TMEM25: variants seen among roughly 807,000 people sequenced by gnomAD.
TMEM25 encodes the protein 0610039J01Rik.
In TMEM25, 36 loss-of-function variants were observed where a neutral mutation model predicts 37.0. The ratio of observed to expected loss-of-function variants is 0.97; its 90% CI spans 0.75 to 1.28. The LOEUF is 1.28. Ranked by LOEUF, TMEM25 falls within the 50% of genes most tolerant of loss-of-function variation. The pLI is 0.00. For synonymous variants in TMEM25, 197 were observed against 203.7 expected, an observed-to-expected ratio of 0.97 and a Z score of 0.28; for missense variants, 444 against 477.9, an observed-to-expected ratio of 0.93 and a Z score of 0.66.
At chr11:118,544,775 CAG>C (rs1951635094) in intron 8 of TMEM25, 1 of 641,712 alleles carries the variant, frequency 1.6e-6, no homozygotes, top group Non-Finnish European at 2.8e-6. Context: ...TGCCCTCTGG[CAG>C]AGAGGGCAGC....
downstream of TMEM25, among the ~76,000 whole-genome samples, chr11:118,537,882 T>C (rs1258707833): frequency 6.6e-6 from 1 of 151,830 alleles, no homozygotes; most frequent in Non-Finnish European, 1.5e-5. Context: ...GAGAGTCCCA[T>C]CTCTACAAAA....
rs1555058454 is a variant in TMEM25 at position 118,531,797 on chromosome 11, C to A, written c.-5C>A. On this transcript the variant is annotated 5_prime_UTR_variant, in exon 2 of 9. Coordinates refer to ENST00000313236, the MANE Select transcript of TMEM25 (RefSeq NM_032780.4). Reference sequence around the variant, plus strand: ...CAGCAGCCTAGGGCCTAGGCCCGGGCCACCATGGCGCTGCCTCCAGGCCCA... The same window carrying A: ...CAGCAGCCTAGGGCCTAGGCCCGGGACACCATGGCGCTGCCTCCAGGCCCA... 3.2e-6 allele frequency: 5 copies of A among 1,550,232 alleles called. No homozygotes were observed. The South Asian group carries it at 4.8e-5, about 15-fold the overall frequency.
chr11:118,531,964 G>GC (rs1555058798), intron 2 of TMEM25, 93 bp downstream of exon 2: 3 of 1,467,440 alleles, frequency 2.0e-6, no homozygotes, highest in Non-Finnish European at 2.8e-6. Context: ...CCCACTCCAG[G>GC]CCCCAAGCCC....
At position 118,534,325 on chromosome 11, in the gene TMEM25, C is replaced by T; in HGVS notation, c.997C>T (p.Pro333Ser). ...QNNSRPELLD[P>S]EPGGLLTSQG... is the part of the protein sequence containing the mutation. ...CAACAGCCGGCCAGAGCTTCTGGAC[C>T]CGGAGCCCGGCGGCCTCCTCACCAG... Residue 333 changes from proline (P) to serine (S), a missense_variant, in exon 8 of 9, where the codon CCG (proline) becomes TCG (serine). Pro to Ser is a moderately conservative substitution (Grantham distance 74). Transcript: ENST00000313236. The surrounding 1 kb of genome is among the most constrained non-coding windows in gnomAD (Gnocchi z 4.6). The T allele has an allele frequency of 1.2e-6, 2 of 1,614,112 alleles. No homozygotes were observed. The highest frequency in any genetic ancestry group is 1.7e-6 in the Non-Finnish European group (2 of 1,180,020).
chr11:118,545,250 A>G (rs1951649274), intron 8 of TMEM25, among the ~76,000 whole-genome samples: 2 of 151,704 alleles, frequency 1.3e-5, no homozygotes, highest in South Asian at 4.2e-4. Flanking sequence ...TGAAAACTCC[A>G]TCCCTGCCTC....
chr11:118,540,985 G>A (rs1164303936), intron 8 of TMEM25, among the ~76,000 whole-genome samples: 2 of 151,370 alleles, frequency 1.3e-5, no homozygotes, highest in African/African-American at 4.9e-5. Flanking sequence ...TGGTGAATAT[G>A]GGGTTCTTTT....
At chr11:118,545,463 C>A in intron 8 of TMEM25, 2 of 1,613,732 alleles carry the variant, frequency 1.2e-6, no homozygotes, top group Non-Finnish European at 1.7e-6. Context: ...GGGACTGGAT[C>A]CGACTCTTGT....
chr11:118,546,334 C>T, exon 9 of TMEM25: 2 of 586,582 alleles, frequency 3.4e-6, no homozygotes, highest in Non-Finnish European at 6.2e-6. Context: ...TCCATCTCTA[C>T]AAAAAAATTA....
At chr11:118,545,344 T>G in intron 8 of TMEM25, 1 of 1,201,130 alleles carries the variant, frequency 8.3e-7, no homozygotes. Context: ...CACAGCAGGC[T>G]CAGAACAGTA....
rs367849016 is a variant in TMEM25, at chr11:118,534,002, C to A, written c.837-27C>A. 4.4e-4 allele frequency: 709 copies of A among 1,613,512 alleles called. 1 individual carries two copies. Among genetic ancestry groups the A allele is most frequent in the Non-Finnish European group, 5.5e-4 (652 of 1,179,622 alleles). On this transcript the variant is annotated intron_variant, in intron 6 of 8. Coordinates refer to ENST00000313236, the MANE Select transcript of TMEM25 (RefSeq NM_032780.4). The surrounding 1 kb of genome is among the most constrained non-coding windows in gnomAD (Gnocchi z 4.6). ...TGAGTGCCTGTGCCGGGACTCATAT[C>A]CATCCCGAACTTTGTCCTCCCTGTA...
At position 118,532,429 on chromosome 11, in the gene TMEM25, C is replaced by G; in HGVS notation, c.350C>G (p.Ser117Ter). 6.2e-7 allele frequency: 1 copy of G among 1,613,882 alleles called. No homozygotes were observed. Among genetic ancestry groups the G allele is most frequent in the Non-Finnish European group, 8.5e-7 (1 of 1,179,808 alleles). Residue 117 changes from serine to a stop codon, truncating the protein, a stop_gained, in exon 3 of 9, where the codon TCA becomes TGA. Transcript: ENST00000313236. LOFTEE classifies it high-confidence loss of function. ...CTGCAGGACCCCAGAAGTGGCCGAT[C>G]AGCCAACGCCTCTGTCATCCTTAAT... is the stretch of plus-strand genomic sequence containing the variant. ...CSLQDPRSGR[S>*]ANASVILNVQ...
chr11:118,541,092 GAGTT>G (rs1420348138), intron 8 of TMEM25, among the ~76,000 whole-genome samples: 4 of 152,158 alleles, frequency 2.6e-5, no homozygotes, highest in Non-Finnish European at 4.4e-5. Flanking sequence ...TATGGTATGT[GAGTT>G]AGATCTCAAT....
chr11:118,540,557 A>G (rs1555065082), downstream of TMEM25, among the ~76,000 whole-genome samples: 6 of 152,206 alleles, frequency 3.9e-5, no homozygotes, highest in Non-Finnish European at 1.5e-5. Context: ...GCTGCACCCA[A>G]GGTCTTAATT....
intron 3 of TMEM25, 48 bp downstream of exon 3, chr11:118,532,509 C>G: frequency 6.4e-7 from 1 of 1,550,602 alleles, no homozygotes; most frequent in Non-Finnish European, 8.7e-7. Context: ...TGCCCAGGGA[C>G]CCCCAGCACC....
chr11:118,535,592 C>A lies in TMEM25; in HGVS notation c.*1012C>A. On this transcript the variant is annotated 3_prime_UTR_variant, in exon 9 of 9. Coordinates refer to ENST00000313236, the MANE Select transcript of TMEM25 (RefSeq NM_032780.4). The stretch of plus-strand genomic sequence containing the variant: ...GAAGGTGCCCTTCCTGGAGGATGGT[C>A]GCCACAGGCACATAATTCAACAGTG... 1 of 1,534,064 alleles carries A rather than the reference C, an allele frequency of 6.5e-7. No homozygotes were observed. Among genetic ancestry groups the A allele is most frequent in the South Asian group, 1.2e-5 (1 of 83,722 alleles).
chr11:118,533,851 C>T lies in TMEM25; in HGVS notation c.806-6C>T, dbSNP rs1232448314. On this transcript the variant is annotated splice_polypyrimidine_tract_variant and splice_region_variant and intron_variant, in intron 5 of 8. Coordinates refer to ENST00000313236, the MANE Select transcript of TMEM25 (RefSeq NM_032780.4). ...AGAATTAGGGACATGGTTTCTTTCT[C>T]CACAGGCCCCTCCCGGCACCCATCT... The T allele has an allele frequency of 6.2e-6, 10 of 1,613,898 alleles. No individual in the cohort carries two copies. In the Admixed American group the frequency reaches 1.5e-4, roughly 24 times the overall value.
In TMEM25 at chr11:118,532,154, G is replaced by A. The variant is rs35915434; in HGVS notation, c.75G>A (p.Trp25Ter). Residue 25 changes from tryptophan to a stop codon, truncating the protein, a stop_gained, in exon 3 of 9, where the codon TGG becomes TGA. Transcript: ENST00000313236. LOFTEE classifies it high-confidence loss of function. ...LLLPALLSSG[W>*]GELEPQIDGQ... The stretch of plus-strand genomic sequence containing the variant: ...AGGCCTCCTGCTGTGTTCCAGGTTG[G>A]GGGGAGTTGGAGCCACAAATAGATG... 6 of 1,561,912 alleles carry A rather than the reference G, an allele frequency of 3.8e-6. No individual in the cohort carries two copies. The highest frequency in any genetic ancestry group is 5.2e-6 in the Non-Finnish European group (6 of 1,152,176).
chr11:118,531,859 C>G lies in TMEM25; in HGVS notation c.58C>G (p.Leu20Val), dbSNP rs1315577463. ...GCACACACTGCTGCTCCTGCCAGCCCTTCTGAGCTCAGGTACACCCCTGTT... is the reference window on the plus strand; with the variant it reads ...GCACACACTGCTGCTCCTGCCAGCCGTTCTGAGCTCAGGTACACCCCTGTT... ...LRHTLLLLPA[L>V]LSSGWGELEP... Residue 20 changes from leucine to valine, a missense_variant, in exon 2 of 9, where the codon CTT (leucine) becomes GTT (valine). Physicochemically the swap from Leu to Val is conservative, Grantham distance 32 (BLOSUM62 1). Transcript: ENST00000313236. The G allele has an allele frequency of 6.4e-7, 1 of 1,551,578 alleles. No individual in the cohort carries two copies. The highest frequency in any genetic ancestry group is 2.4e-5 in the East Asian group (1 of 40,920).
intron 8 of TMEM25, among the ~76,000 whole-genome samples, chr11:118,544,096 C>T (rs1224447478): frequency 6.6e-6 from 1 of 152,248 alleles, no homozygotes; most frequent in African/African-American, 2.4e-5. Flanking sequence ...GCGTGAGCCA[C>T]TGTGCCTGGC....
Sources: gnomAD v4.1 joint callset for allele counts (sites outside exome capture counted in the v4.1 genomes callset) on GRCh38, gnomAD v4.1.1 for gene constraint, Gnocchi (gnomAD v3.1) non-coding constraint, MANE v1.5 for transcripts, NCBI Gene and HGNC (gene_info 2026-07-23, HGNC 2026-07-21) for gene names.